NKAIN3: variants seen among roughly 807,000 people sequenced by gnomAD.
NKAIN3 encodes the protein sodium/potassium-transporting ATPase subunit beta-1-interacting protein 3.
In NKAIN3, 25 loss-of-function variants were observed where a neutral mutation model predicts 30.2. That is an observed-to-expected ratio of 0.83 (90% CI 0.60 to 1.16). NKAIN3 has a LOEUF of 1.16. Among genes scored for constraint, NKAIN3 ranks in the 50% most tolerant of loss-of-function variants. The probability of loss-of-function intolerance (pLI) is 0.00; values close to 1 mark genes in which losing one functional copy is unlikely to be tolerated. For missense variants in NKAIN3, 225 were observed against 254.1 expected (o/e 0.89, Z 0.78); for synonymous variants, 91 against 89.6 (o/e 1.02, Z -0.09).
rs10562561 is a variant in NKAIN3, at chr8:62,867,099, G to GA, written c.472-51338dup. 7.3e-3 allele frequency among the ~76,000 whole-genome samples: 949 copies of GA among 130,044 alleles called. 14 individuals carry two copies. The highest frequency in any genetic ancestry group is 0.064 in the East Asian group (262 of 4,070). 85.3% of individuals were successfully genotyped at this position (130,044 alleles called of 152,430 possible). A position where few individuals can be genotyped will look rare whatever the true frequency, so the allele number is the denominator to read the frequency against. On this transcript the variant is annotated intron_variant, in intron 4 of 6. Coordinates refer to ENST00000623646, the MANE Select transcript of NKAIN3 (RefSeq NM_001304533.3). Reference sequence around the variant, plus strand: ...ACTGTTTTGTTTTGCTTTGTTTCCAGAAAAAAAAAAAAAAAAGAAAAGGGT... The same window carrying GA: ...ACTGTTTTGTTTTGCTTTGTTTCCAGAAAAAAAAAAAAAAAAAGAAAAGGGT...
chr8:62,764,524 G>A (rs1280778531), intron 4 of NKAIN3, among the ~76,000 whole-genome samples: 1 of 151,844 alleles, frequency 6.6e-6, no homozygotes, highest in Non-Finnish European at 1.5e-5. Context: ...GGAGTGCAGT[G>A]GCATGATTAT....
At chr8:62,261,511 C>G (rs1290658062) in intron 1 of NKAIN3, among the ~76,000 whole-genome samples, 1 of 152,196 alleles carries the variant, frequency 6.6e-6, no homozygotes, top group African/African-American at 2.4e-5. Context: ...GCTGGACTTA[C>G]TCCAACACCC....
At chr8:62,623,696 T>G (rs1369991145) in intron 3 of NKAIN3, among the ~76,000 whole-genome samples, 7 of 152,122 alleles carry the variant, frequency 4.6e-5, no homozygotes, top group South Asian at 4.1e-4. Flanking sequence ...TTTTTGTTTG[T>G]ATAAGAAACG....
intron 3 of NKAIN3, among the ~76,000 whole-genome samples, chr8:62,630,583 G>A (rs1324541734): frequency 2.0e-5 from 3 of 152,092 alleles, no homozygotes; most frequent in Admixed American, 6.6e-5. Context: ...AACTGTGATG[G>A]GGTGTGTATC....
At chr8:62,567,098 T>C (rs73273458) in intron 1 of NKAIN3, among the ~76,000 whole-genome samples, 200 of 152,276 alleles carry the variant, frequency 1.3e-3, no homozygotes, top group African/African-American at 4.5e-3. Context: ...TTACAAATTT[T>C]GAATTATAAT....
intron 3 of NKAIN3, among the ~76,000 whole-genome samples, chr8:62,708,855 G>C (rs563209455): frequency 2.0e-5 from 3 of 152,252 alleles, no homozygotes; most frequent in African/African-American, 7.2e-5. Flanking sequence ...GTTGGCTGTG[G>C]GTTTGCCATA....
chr8:62,973,357 A>G lies in NKAIN3; in HGVS notation c.*7950A>G, dbSNP rs1823874398. Among the ~76,000 whole-genome samples, 1 of 152,172 alleles carries G rather than the reference A, an allele frequency of 6.6e-6. No individual in the cohort carries two copies. The highest frequency in any genetic ancestry group is 2.4e-5 in the African/African-American group (1 of 41,450). ...TGTTGTATCCTTTTTAATGATCGCCATTCTAACTGGTGTGAGGTGGTATCT... is the reference window on the plus strand; with the variant it reads ...TGTTGTATCCTTTTTAATGATCGCCGTTCTAACTGGTGTGAGGTGGTATCT... On this transcript the variant is annotated 3_prime_UTR_variant, in exon 7 of 7. Transcript: ENST00000623646.
At chr8:62,931,934 T>A (rs1822630313) in intron 5 of NKAIN3, among the ~76,000 whole-genome samples, 2 of 152,246 alleles carry the variant, frequency 1.3e-5, no homozygotes, top group East Asian at 3.8e-4. Context: ...TTAAGTAGGC[T>A]GCTAACTCCT....
At chr8:62,696,310 G>A (rs1350340570) in intron 3 of NKAIN3, among the ~76,000 whole-genome samples, 1 of 152,134 alleles carries the variant, frequency 6.6e-6, no homozygotes, top group Non-Finnish European at 1.5e-5. Flanking sequence ...AAAAGATTTT[G>A]GTGAATTGGG....
chr8:62,891,855 T>TC (rs1397204817), intron 4 of NKAIN3, among the ~76,000 whole-genome samples: 1 of 152,086 alleles, frequency 6.6e-6, no homozygotes, highest in Non-Finnish European at 1.5e-5. Flanking sequence ...TTCCTTGCCT[T>TC]CCCCCCGCTT....
At chr8:62,891,297 T>A (rs1821289853) in intron 4 of NKAIN3, among the ~76,000 whole-genome samples, 1 of 152,234 alleles carries the variant, frequency 6.6e-6, no homozygotes, top group Non-Finnish European at 1.5e-5. Context: ...GGATGTTTCC[T>A]GCCTTTGAAC....
chr8:62,982,681 G>T lies in NKAIN3; in HGVS notation c.*17274G>T, dbSNP rs181077719. 13 of 152,248 alleles carry T rather than the reference G, an allele frequency of 8.5e-5. No individual in the cohort carries two copies. Among genetic ancestry groups the T allele is most frequent in the African/African-American group, 2.9e-4 (12 of 41,554 alleles). The allele number at this position is 152,248 out of a possible 1,614,324, so 9.4% of individuals were successfully genotyped here. ...CCTTTGATAAATTTTCCTTTACCTA[G>T]CTGTTGCCAAATTGTCTCTTCTAGA... On this transcript the variant is annotated 3_prime_UTR_variant, in exon 7 of 7. Coordinates refer to ENST00000623646, the MANE Select transcript of NKAIN3 (RefSeq NM_001304533.3).
At chr8:62,740,114 T>C (rs898007725) in intron 3 of NKAIN3, among the ~76,000 whole-genome samples, 6 of 152,280 alleles carry the variant, frequency 3.9e-5, no homozygotes, top group South Asian at 4.1e-4. Context: ...CTCTTTATTA[T>C]ATAGATCCAT....
rs372055360 is a variant in NKAIN3 at position 62,384,405 on chromosome 8, A to G, written c.54+135278A>G. Among the ~76,000 whole-genome samples the G allele has an allele frequency of 5.3e-5, 8 of 152,324 alleles. No homozygotes were observed. The East Asian group carries it at 1.5e-3, about 29-fold the overall frequency. The stretch of plus-strand genomic sequence containing the variant: ...TTTGTCTGCTTAAGTTTCAATAAAT[A>G]TTAAATTTTCATAAAATATTCATAC... On this transcript the variant is annotated intron_variant, in intron 1 of 6. Transcript: ENST00000623646.
At chr8:62,654,395 C>G (rs1474325767) in intron 3 of NKAIN3, among the ~76,000 whole-genome samples, 1 of 152,080 alleles carries the variant, frequency 6.6e-6, no homozygotes, top group Non-Finnish European at 1.5e-5. Context: ...AAGAAACTCT[C>G]CTAAGACAGG....
intron 1 of NKAIN3, among the ~76,000 whole-genome samples, chr8:62,328,197 T>C (rs529509268): frequency 6.6e-6 from 1 of 152,244 alleles, no homozygotes; most frequent in African/African-American, 2.4e-5. Context: ...ACAATGCCAG[T>C]GCACAAATCT....
intron 1 of NKAIN3, among the ~76,000 whole-genome samples, chr8:62,533,390 T>C (rs1765656845): frequency 6.6e-6 from 1 of 152,236 alleles, no homozygotes; most frequent in South Asian, 2.1e-4. Context: ...AGATTGAGGC[T>C]CTGTGTGGTG....
At chr8:62,414,431 C>A (rs1804366044) in intron 1 of NKAIN3, among the ~76,000 whole-genome samples, 1 of 152,092 alleles carries the variant, frequency 6.6e-6, no homozygotes, top group East Asian at 1.9e-4. Context: ...CGATACTGTT[C>A]TTTTGATGCT....
intron 5 of NKAIN3, among the ~76,000 whole-genome samples, chr8:62,950,638 A>C (rs1823256722): frequency 6.6e-6 from 1 of 152,188 alleles, no homozygotes; most frequent in African/African-American, 2.4e-5. Flanking sequence ...TTTAAAAAGA[A>C]AGAAGAAAAC....
Sources: gnomAD v4.1 joint callset for allele counts (sites outside exome capture counted in the v4.1 genomes callset) on GRCh38, gnomAD v4.1.1 for gene constraint, MANE v1.5 for transcripts, NCBI Gene and HGNC (gene_info 2026-07-23, HGNC 2026-07-21) for gene names.